Variants in NOS1AP observed in about 807,000 individuals in gnomAD.
NOS1AP encodes carboxyl-terminal PDZ ligand of neuronal nitric oxide synthase protein.
In NOS1AP, 21 loss-of-function variants were observed where a neutral mutation model predicts 56.2. The ratio of observed to expected loss-of-function variants is 0.37; its 90% CI spans 0.26 to 0.54. The LOEUF (loss-of-function observed/expected upper bound fraction) is 0.54. Among genes scored for constraint, NOS1AP ranks in the 20% least tolerant of loss-of-function variants. NOS1AP has a pLI of 0.84. For missense variants in NOS1AP, 522 were observed against 657.8 expected (o/e 0.79, Z 2.26); for synonymous variants, 270 against 274.6 (o/e 0.98, Z 0.17).
intron 1 of NOS1AP, among the ~76,000 whole-genome samples, chr1:162,081,774 A>ATATATTTTTTTTTTTTTTTTTTTTTTT: frequency 2.7e-4 from 12 of 44,048 alleles, no homozygotes; most frequent in African/African-American, 9.2e-4. Flanking sequence ...ATATATATAT[A>ATATATTTTTTTTTTTTTTTTTTTTTTT]TTTTTTTTTT....
intron 2 of NOS1AP, among the ~76,000 whole-genome samples, chr1:162,285,803 G>C (rs577387453): frequency 1.3e-5 from 2 of 152,262 alleles, no homozygotes; most frequent in South Asian, 2.1e-4. Flanking sequence ...CTGCTGACAG[G>C]GTAGAGTGGA....
intron 4 of NOS1AP, among the ~76,000 whole-genome samples, chr1:162,309,092 C>T (rs1221412556): frequency 6.6e-6 from 1 of 152,176 alleles, no homozygotes; most frequent in East Asian, 1.9e-4. Context: ...TATAAAAATA[C>T]AGGACAAACT....
chr1:162,300,747 A>G (rs1016760997), intron 4 of NOS1AP, 41 bp downstream of exon 4: 4 of 1,573,644 alleles, frequency 2.5e-6, no homozygotes, highest in South Asian at 1.1e-5. Flanking sequence ...ACTGAGCCCC[A>G]GAGTCCTCCT....
intron 1 of NOS1AP, among the ~76,000 whole-genome samples, chr1:162,089,998 T>C (rs890922523): frequency 2.0e-5 from 3 of 152,350 alleles, no homozygotes; most frequent in African/African-American, 4.8e-5. Context: ...TTATAATATT[T>C]CCTTTTTAAC....
chr1:162,231,201 C>T (rs1571146279), intron 2 of NOS1AP, among the ~76,000 whole-genome samples: 1 of 152,168 alleles, frequency 6.6e-6, no homozygotes, highest in Admixed American at 6.5e-5. Context: ...AGTGGCATCT[C>T]CTTATAGTTT....
intron 2 of NOS1AP, among the ~76,000 whole-genome samples, chr1:162,194,847 G>A (rs534828786): frequency 6.6e-6 from 1 of 152,072 alleles, no homozygotes; most frequent in Non-Finnish European, 1.5e-5. Flanking sequence ...TTTGAAATTG[G>A]GTTGGCACAT....
chr1:162,093,456 G>A (rs1193557970), intron 1 of NOS1AP, among the ~76,000 whole-genome samples: 4 of 152,162 alleles, frequency 2.6e-5, no homozygotes, highest in Non-Finnish European at 5.9e-5. Context: ...TATTCAGGCA[G>A]TATTTTTGGT....
intron 4 of NOS1AP, chr1:162,317,785 A>G (rs896051538): frequency 6.6e-6 from 1 of 152,194 alleles, no homozygotes; most frequent in East Asian, 1.9e-4. Flanking sequence ...GTTCCTTCCT[A>G]TGAGAAAGGG....
At chr1:162,231,229 A>G (rs779102082) in intron 2 of NOS1AP, among the ~76,000 whole-genome samples, 1 of 152,144 alleles carries the variant, frequency 6.6e-6, no homozygotes, top group Non-Finnish European at 1.5e-5. Flanking sequence ...TATTTCCCTA[A>G]TGATTAGTGA....
chr1:162,358,335 G>A (rs762142435), intron 8 of NOS1AP, among the ~76,000 whole-genome samples: 6 of 152,124 alleles, frequency 3.9e-5, no homozygotes, highest in Non-Finnish European at 8.8e-5. Context: ...CTTGTAACAC[G>A]GTCTCTCCTG....
intron 5 of NOS1AP, among the ~76,000 whole-genome samples, chr1:162,334,920 A>C (rs1053438376): frequency 1.3e-5 from 2 of 152,208 alleles, no homozygotes; most frequent in Non-Finnish European, 2.9e-5. Flanking sequence ...GGACAAAAGA[A>C]TTTTGAGCAG....
chr1:162,214,037 C>T (rs1173015471), intron 2 of NOS1AP, among the ~76,000 whole-genome samples: 1 of 152,064 alleles, frequency 6.6e-6, no homozygotes, highest in Non-Finnish European at 1.5e-5. Context: ...GTTTGTGGTC[C>T]CTGCCTTCAA....
At chr1:162,323,440 A>G (rs1656480692) in intron 4 of NOS1AP, among the ~76,000 whole-genome samples, 1 of 152,236 alleles carries the variant, frequency 6.6e-6, no homozygotes, top group African/African-American at 2.4e-5. Flanking sequence ...ATTAATACAG[A>G]TACTACTGGC....
At chr1:162,220,723 A>G (rs750960127) in intron 2 of NOS1AP, among the ~76,000 whole-genome samples, 1 of 151,780 alleles carries the variant, frequency 6.6e-6, no homozygotes, top group Non-Finnish European at 1.5e-5. Flanking sequence ...GCAAACCTTT[A>G]CTTTCTCCAT....
At chr1:162,085,039 C>T (rs1444577768) in intron 1 of NOS1AP, among the ~76,000 whole-genome samples, 1 of 152,072 alleles carries the variant, frequency 6.6e-6, no homozygotes, top group African/African-American at 2.4e-5. Flanking sequence ...ACTGTGCTGC[C>T]CCTTTCCTGG....
intron 2 of NOS1AP, among the ~76,000 whole-genome samples, chr1:162,265,003 C>T (rs900468544): frequency 2.6e-5 from 4 of 151,978 alleles, no homozygotes; most frequent in South Asian, 2.1e-4. Flanking sequence ...TTAGTAGAGA[C>T]GGGGTTTCAC....
At chr1:162,099,697 A>G (rs1263250951) in intron 1 of NOS1AP, among the ~76,000 whole-genome samples, 3 of 151,968 alleles carry the variant, frequency 2.0e-5, no homozygotes, top group African/African-American at 7.3e-5. Context: ...TTTGTTACAT[A>G]TCTATACATG....
chr1:162,131,718 A>C (rs1648756257), intron 1 of NOS1AP, among the ~76,000 whole-genome samples: 1 of 151,996 alleles, frequency 6.6e-6, no homozygotes, highest in Non-Finnish European at 1.5e-5. Flanking sequence ...TGTGAGCTCC[A>C]GTGTTATAAG....
At chr1:162,321,018 T>C (rs1656396606) in intron 4 of NOS1AP, among the ~76,000 whole-genome samples, 2 of 152,156 alleles carry the variant, frequency 1.3e-5, no homozygotes, top group Non-Finnish European at 2.9e-5. Context: ...GCCTGTGTCC[T>C]GAATGGTATT....
Sources: allele counts gnomAD v4.1 joint callset (sites outside exome capture counted in the v4.1 genomes callset), GRCh38; gene constraint gnomAD v4.1.1; transcripts MANE v1.5; gene names NCBI Gene and HGNC (gene_info 2026-07-23, HGNC 2026-07-21).